The following GSDMC variants were observed in gnomAD, a reference collection of about 807,000 sequenced individuals.
GSDMC encodes the protein gasdermin-C.
A neutral mutation model predicts 58.0 loss-of-function variants in GSDMC; 59 were observed. That is an observed-to-expected ratio of 1.02 (90% CI 0.82 to 1.26). The LOEUF (loss-of-function observed/expected upper bound fraction) is 1.26. Among genes scored for constraint, GSDMC ranks in the 50% most tolerant of loss-of-function variants. The pLI is 0.00. For synonymous variants in GSDMC, 241 were observed against 220.2 expected (o/e 1.09, Z -0.83); for missense variants, 659 against 598.5 (o/e 1.10, Z -1.06).
chr8:129,749,711 G>A (rs2033092786), intron 12 of GSDMC, among the ~76,000 whole-genome samples, 186 bp from the exon 13 acceptor site: 1 of 152,116 alleles, frequency 6.6e-6, no homozygotes, highest in South Asian at 2.1e-4. Flanking sequence ...TAAATAAGAG[G>A]GACCAGAGGA....
In GSDMC at chr8:129,748,707, G is replaced by A. The variant is rs1047596087; in HGVS notation, c.1321C>T (p.Pro441Ser). ...TTGAGGGTGAAGGGAATGCTCCAGG[G>A]GTATCTGAAGTTTGGCTCCAGGATG... ...RSILEPNFRY[P>S]WSIPFTLKPE... Residue 441 changes from proline to serine, a missense_variant, in exon 14 of 14, where the codon CCC (proline) becomes TCC (serine). Pro to Ser is a moderately conservative substitution (Grantham distance 74). Coordinates refer to ENST00000276708, the MANE Select transcript of GSDMC (RefSeq NM_031415.3). 6.4e-7 allele frequency: 1 copy of A among 1,553,266 alleles called. No individual in the cohort carries two copies. Among genetic ancestry groups the A allele is most frequent in the Non-Finnish European group, 8.7e-7 (1 of 1,152,040 alleles).
chr8:129,781,378 C>T (rs146316225), intron 1 of GSDMC, among the ~76,000 whole-genome samples: 96 of 152,242 alleles, frequency 6.3e-4, no homozygotes, highest in Admixed American at 1.3e-3. Flanking sequence ...GCAGGAATAG[C>T]TATACTTGTA....
At chr8:129,735,988 C>G in the GSDMC span, among the ~76,000 whole-genome samples, 5 of 152,122 alleles carry the variant, frequency 3.3e-5, no homozygotes, top group African/African-American at 1.2e-4. Context: ...CCAACAATCC[C>G]ACAGGAATAC....
intron 12 of GSDMC, 52 bp downstream of exon 12, chr8:129,749,938 T>C: frequency 6.7e-7 from 1 of 1,496,170 alleles, no homozygotes; most frequent in Non-Finnish European, 9.0e-7. Context: ...TTTTTGCGGG[T>C]CCTGGGGACC....
chr8:129,730,127 C>G, the GSDMC span: 1 of 977,362 alleles, frequency 1.0e-6, no homozygotes, highest in Non-Finnish European at 1.5e-6. Context: ...TGAATGCCAA[C>G]AAGAGAGATC....
chr8:129,751,837 C>A, intron 9 of GSDMC, 25 bp downstream of exon 9: 1 of 1,584,952 alleles, frequency 6.3e-7, no homozygotes, highest in Non-Finnish European at 8.7e-7. Flanking sequence ...ATCCCCACCC[C>A]CACCTCCAGC....
At chr8:129,754,442 C>T (rs955540116) in intron 6 of GSDMC, among the ~76,000 whole-genome samples, 4 of 152,128 alleles carry the variant, frequency 2.6e-5, no homozygotes, top group African/African-American at 9.7e-5. Flanking sequence ...ACAGAGATAT[C>T]AAACAGGAAA....
intron 1 of GSDMC, among the ~76,000 whole-genome samples, chr8:129,783,675 T>G (rs190249331): frequency 2.6e-4 from 40 of 152,256 alleles, no homozygotes; most frequent in Middle Eastern, 3.4e-3. Flanking sequence ...TCCAAAGCAA[T>G]CTTCAGATTC....
chr8:129,767,980 A>T (rs1261317256), intron 3 of GSDMC, among the ~76,000 whole-genome samples: 1 of 151,794 alleles, frequency 6.6e-6, no homozygotes, highest in Non-Finnish European at 1.5e-5. Flanking sequence ...CTACTTGACC[A>T]CAAAGCCAGT....
At position 129,777,566 on chromosome 8, in the gene GSDMC, T is replaced by C; in HGVS notation, c.22A>G (p.Ile8Val). 3 of 1,606,732 alleles carry C rather than the reference T, an allele frequency of 1.9e-6. No homozygotes were observed. Among genetic ancestry groups the C allele is most frequent in the South Asian group, 1.1e-5 (1 of 90,958 alleles). ...ATCTCTTTGACCAAATTTTTGCTAA[T>C]GCGTTCCAACATGGAGGGCATGTTG... MPSMLER[I>V]SKNLVKEIGS... The change falls in exon 2 of 14, where the codon ATT becomes GTT. Residue 8 changes from isoleucine (I) to valine (V), a missense_variant. Ile to Val is a conservative substitution (Grantham distance 29, BLOSUM62 3). Coordinates refer to ENST00000276708, the MANE Select transcript of GSDMC (RefSeq NM_031415.3).
chr8:129,730,371 G>T, the GSDMC span: 71 of 1,265,032 alleles, frequency 5.6e-5, no homozygotes, highest in Non-Finnish European at 7.5e-5. Context: ...TTATCTACTG[G>T]ATGAACTTGT....
chr8:129,722,342 C>T, the GSDMC span, among the ~76,000 whole-genome samples: 1 of 152,102 alleles, frequency 6.6e-6, no homozygotes, highest in Non-Finnish European at 1.5e-5. Context: ...GAAGGAGTTA[C>T]AGTTTTATTT....
At chr8:129,763,039 T>G (rs1477711405) in intron 4 of GSDMC, among the ~76,000 whole-genome samples, 1 of 152,324 alleles carries the variant, frequency 6.6e-6, no homozygotes, top group South Asian at 2.1e-4. Context: ...TTCTCCCATC[T>G]TCCTAAAATA....
the GSDMC span, among the ~76,000 whole-genome samples, chr8:129,736,392 A>G: frequency 6.6e-6 from 1 of 152,228 alleles, no homozygotes; most frequent in Non-Finnish European, 1.5e-5. Context: ...AATCCTCAAT[A>G]AAATACTGGC....
chr8:129,779,415 C>G (rs1217691765), intron 1 of GSDMC, among the ~76,000 whole-genome samples: 2 of 152,084 alleles, frequency 1.3e-5, no homozygotes, highest in Non-Finnish European at 2.9e-5. Flanking sequence ...AACACATAGA[C>G]TCATGGAGGG....
chr8:129,775,951 G>T (rs1015010261), intron 3 of GSDMC, 151 bp downstream of exon 3: 15 of 604,238 alleles, frequency 2.5e-5, no homozygotes, highest in Admixed American at 1.9e-4. Context: ...GTAAAGGGAG[G>T]TATGAATACT....
At chr8:129,777,778 G>T (rs1234380786) in intron 1 of GSDMC, among the ~76,000 whole-genome samples, 187 bp from the exon 2 acceptor site, 1 of 152,060 alleles carries the variant, frequency 6.6e-6, no homozygotes, top group Non-Finnish European at 1.5e-5. Flanking sequence ...TTGAGACAGG[G>T]TCTTGCCATG....
At chr8:129,721,366 A>G in the GSDMC span, among the ~76,000 whole-genome samples, 3 of 152,162 alleles carry the variant, frequency 2.0e-5, no homozygotes, top group Non-Finnish European at 4.4e-5. Context: ...TTCTGTTAAG[A>G]ACAGACAGCA....
At chr8:129,720,878 A>G in the GSDMC span, among the ~76,000 whole-genome samples, 1 of 152,212 alleles carries the variant, frequency 6.6e-6, no homozygotes, top group African/African-American at 2.4e-5. Flanking sequence ...GACGTAGTGA[A>G]AATAAAATGG....
Sources: allele counts gnomAD v4.1 joint callset (sites outside exome capture counted in the v4.1 genomes callset), GRCh38; gene constraint gnomAD v4.1.1; transcripts MANE v1.5; gene names NCBI Gene and HGNC (gene_info 2026-07-23, HGNC 2026-07-21).